The following BRINP3 variants were observed in gnomAD, a reference collection of about 807,000 sequenced individuals.
BRINP3 encodes BMP/retinoic acid inducible neural specific 3, also known as BMP/retinoic acid-inducible neural-specific protein 3.
A neutral mutation model predicts 71.0 loss-of-function variants in BRINP3; 19 were observed. The ratio of observed to expected loss-of-function variants is 0.27; its 90% CI spans 0.19 to 0.39. The LOEUF is 0.39. Among genes scored for constraint, BRINP3 ranks in the 10% least tolerant of loss-of-function variants. The pLI is 1.00. For missense variants in BRINP3, 959 were observed against 940.8 expected (o/e 1.02, Z -0.25); for synonymous variants, 380 against 337.7 (o/e 1.13, Z -1.37).
intron 2 of BRINP3, among the ~76,000 whole-genome samples, chr1:190,381,882 T>G (rs1670571415): frequency 6.6e-6 from 1 of 152,144 alleles, no homozygotes; most frequent in Non-Finnish European, 1.5e-5. Flanking sequence ...TTCTTCATAT[T>G]TTATATGGTA....
At chr1:190,119,902 C>A (rs1338607309) in intron 7 of BRINP3, among the ~76,000 whole-genome samples, 1 of 152,178 alleles carries the variant, frequency 6.6e-6, no homozygotes, top group Non-Finnish European at 1.5e-5. Flanking sequence ...AGGGGTGTGG[C>A]CAGAGCCATA....
chr1:190,326,213 T>A (rs1666570281), intron 2 of BRINP3, among the ~76,000 whole-genome samples: 1 of 152,100 alleles, frequency 6.6e-6, no homozygotes, highest in Admixed American at 6.6e-5. Context: ...TCTTTTGAAA[T>A]AATCCAGTCA....
At chr1:190,281,352 T>C (rs1663023249) in intron 3 of BRINP3, among the ~76,000 whole-genome samples, 1 of 152,018 alleles carries the variant, frequency 6.6e-6, no homozygotes, top group Admixed American at 6.6e-5. Context: ...ATAGCTTTCA[T>C]GCAGAAACTT....
intron 2 of BRINP3, among the ~76,000 whole-genome samples, chr1:190,313,075 T>C (rs1665644039): frequency 6.6e-6 from 1 of 151,946 alleles, no homozygotes; most frequent in Non-Finnish European, 1.5e-5. Context: ...AGATGACGAC[T>C]ACAAATTACA....
chr1:190,238,167 T>C (rs1156801124), intron 4 of BRINP3, among the ~76,000 whole-genome samples: 3 of 152,042 alleles, frequency 2.0e-5, no homozygotes, highest in Non-Finnish European at 2.9e-5. Flanking sequence ...TTTCCAGAAA[T>C]AAGTGTTTCT....
rs1329793925 is a variant in BRINP3, at chr1:190,097,832, C to T, written c.*186G>A. The T allele has an allele frequency of 3.3e-6, 2 of 601,950 alleles. No homozygotes were observed. Among genetic ancestry groups the T allele is most frequent in the African/African-American group, 1.9e-5 (1 of 53,928 alleles). 37.3% of individuals were successfully genotyped at this position (601,950 alleles called of 1,614,324 possible). ...GTCAGTATTTATGTCATTCATAAAC[C>T]AAAACTGCTGTATAATATATTCATT... is the stretch of plus-strand genomic sequence containing the variant. On this transcript the variant is annotated 3_prime_UTR_variant, in exon 8 of 8. Coordinates refer to ENST00000367462, the MANE Select transcript of BRINP3 (RefSeq NM_199051.3).
chr1:190,345,336 T>C (rs1468773496), intron 2 of BRINP3, among the ~76,000 whole-genome samples: 1 of 151,710 alleles, frequency 6.6e-6, no homozygotes, highest in African/African-American at 2.4e-5. Flanking sequence ...AATTTGCCCA[T>C]GAAATTGAAG....
At chr1:190,115,683 G>C (rs1653072630) in intron 7 of BRINP3, among the ~76,000 whole-genome samples, 1 of 152,104 alleles carries the variant, frequency 6.6e-6, no homozygotes, top group African/African-American at 2.4e-5. Flanking sequence ...TTTGGATACA[G>C]AGATATGGAG....
At chr1:190,337,111 G>C (rs1667340506) in intron 2 of BRINP3, among the ~76,000 whole-genome samples, 1 of 151,914 alleles carries the variant, frequency 6.6e-6, no homozygotes, top group Non-Finnish European at 1.5e-5. Context: ...TGATGTTGAA[G>C]TTATGTTTAA....
chr1:190,175,183 C>G (rs868786307), intron 6 of BRINP3, among the ~76,000 whole-genome samples: 1 of 152,184 alleles, frequency 6.6e-6, no homozygotes, highest in South Asian at 2.1e-4. Flanking sequence ...AATAGCAGGT[C>G]TAACACCACT....
intron 6 of BRINP3, among the ~76,000 whole-genome samples, chr1:190,224,695 C>G (rs1347469007): frequency 6.6e-6 from 1 of 151,698 alleles, no homozygotes; most frequent in East Asian, 1.9e-4. Context: ...GAAGAGATAA[C>G]CCACAGAATG....
rs1226331309 is a variant in BRINP3 at position 190,172,590 on chromosome 1, C to A, written c.962-11700G>T. ...TACAGATAATTGGTAGCTGTGCTAACTTGTTTATTATGAACTTGGCACCAT... is the reference window on the plus strand; with the variant it reads ...TACAGATAATTGGTAGCTGTGCTAAATTGTTTATTATGAACTTGGCACCAT... On this transcript the variant is annotated intron_variant, in intron 6 of 7. Transcript: ENST00000367462. 3.9e-5 allele frequency among the ~76,000 whole-genome samples: 6 copies of A among 152,228 alleles called. No homozygotes were observed. In the East Asian group the frequency reaches 1.2e-3, roughly 29 times the overall value.
intron 7 of BRINP3, among the ~76,000 whole-genome samples, chr1:190,142,157 C>T (rs1655510637): frequency 6.6e-6 from 1 of 152,050 alleles, no homozygotes. Flanking sequence ...AATGGCAATC[C>T]ACATTCTGGT....
chr1:190,263,815 C>G (rs1046530794), intron 4 of BRINP3, among the ~76,000 whole-genome samples: 3 of 151,784 alleles, frequency 2.0e-5, no homozygotes, highest in South Asian at 4.2e-4. Context: ...CTCGATCTCC[C>G]GACCTCAAGT....
chr1:190,150,195 T>C (rs1260844684), intron 7 of BRINP3, among the ~76,000 whole-genome samples: 2 of 152,142 alleles, frequency 1.3e-5, no homozygotes, highest in East Asian at 1.9e-4. Flanking sequence ...ATTTCAGTCA[T>C]ATGCCATTTT....
At position 190,296,807 on chromosome 1, in the gene BRINP3, G is replaced by A. The variant is rs557973491; in HGVS notation, c.237-15057C>T. On this transcript the variant is annotated intron_variant, in intron 2 of 7. Transcript: ENST00000367462. ...TAAGAAAACAACCCCATTTGCGATA[G>A]CATAAAAAAGAATAAAAGGCTTAGG... 3.6e-4 allele frequency among the ~76,000 whole-genome samples: 54 copies of A among 151,914 alleles called. No individual in the cohort carries two copies. In the South Asian group the frequency reaches 0.011, roughly 30 times the overall value.
At chr1:190,217,271 T>G (rs866353427) in intron 6 of BRINP3, among the ~76,000 whole-genome samples, 1 of 151,926 alleles carries the variant, frequency 6.6e-6, no homozygotes, top group Non-Finnish European at 1.5e-5. Context: ...CTGTGAGTGG[T>G]GATAATATTT....
At chr1:190,259,725 A>G (rs1661007312) in intron 4 of BRINP3, among the ~76,000 whole-genome samples, 2 of 152,020 alleles carry the variant, frequency 1.3e-5, no homozygotes, top group Non-Finnish European at 2.9e-5. Flanking sequence ...AGATAACATT[A>G]TCTAATAGAA....
chr1:190,304,298 T>C (rs892596240), intron 2 of BRINP3, among the ~76,000 whole-genome samples: 8 of 151,850 alleles, frequency 5.3e-5, no homozygotes, highest in African/African-American at 1.9e-4. Flanking sequence ...AGGTAGCTAG[T>C]ATGTGATTCA....
Sources: allele counts gnomAD v4.1 joint callset (sites outside exome capture counted in the v4.1 genomes callset), GRCh38; gene constraint gnomAD v4.1.1; transcripts MANE v1.5; gene names NCBI Gene and HGNC (gene_info 2026-07-23, HGNC 2026-07-21).